ZMYM2: variants seen among roughly 807,000 people sequenced by gnomAD.
ZMYM2 encodes the protein zinc finger MYM-type containing 2, also known as zinc finger MYM-type protein 2.
Under a neutral mutation model 162.8 loss-of-function variants are expected in ZMYM2, and 56 were observed. That is an observed-to-expected ratio of 0.34 (90% CI 0.28 to 0.43). The LOEUF (loss-of-function observed/expected upper bound fraction) is 0.43. Among genes scored for constraint, ZMYM2 ranks in the 20% least tolerant of loss-of-function variants. The pLI is 1.00. For missense variants in ZMYM2, 1,275 were observed against 1,621.8 expected, an observed-to-expected ratio of 0.79 and a Z score of 3.67; for synonymous variants, 510 against 541.6, an observed-to-expected ratio of 0.94 and a Z score of 0.81.
At chr13:19,911,219 G>A in the ZMYM2 span, among the ~76,000 whole-genome samples, 2 of 151,884 alleles carry the variant, frequency 1.3e-5, no homozygotes, top group African/African-American at 2.4e-5. Context: ...ACCATGCTTG[G>A]CTAATTTTTT....
At chr13:19,926,780 A>T in the ZMYM2 span, among the ~76,000 whole-genome samples, 1 of 152,098 alleles carries the variant, frequency 6.6e-6, no homozygotes, top group Non-Finnish European at 1.5e-5. Context: ...TGATCCTCCC[A>T]TCTCAGCCTC....
chr13:20,015,576 G>C (rs1438169034), intron 6 of ZMYM2, among the ~76,000 whole-genome samples: 1 of 152,002 alleles, frequency 6.6e-6, no homozygotes, highest in African/African-American at 2.4e-5. Flanking sequence ...AGCTATTATT[G>C]TACAATTATC....
rs2140413249 is a variant in ZMYM2 at position 20,040,190 on chromosome 13, G to C, written c.2292+3281G>C. Among the ~76,000 whole-genome samples the C allele has an allele frequency of 1.3e-5, 2 of 152,304 alleles. 1 individual carries two copies. The highest frequency in any genetic ancestry group is 4.1e-4 in the South Asian group (2 of 4,830). ...CCAGCTCTTCTTTGTACATCTGGTA[G>C]AATTGTGTTGTGAATCCATCTGGTC... On this transcript the variant is annotated intron_variant, in intron 12 of 24. Coordinates refer to ENST00000610343, the MANE Select transcript of ZMYM2 (RefSeq NM_197968.4).
chr13:20,050,680 C>A (rs2140558912), intron 12 of ZMYM2, among the ~76,000 whole-genome samples: 1 of 151,924 alleles, frequency 6.6e-6, no homozygotes, highest in Admixed American at 6.6e-5. Flanking sequence ...AAATTAGGAT[C>A]TCTAAAAAAG....
Position 20,064,532 on chromosome 13 carries a change from G to C in ZMYM2, c.3119G>C (p.Arg1040Pro). Residue 1040 changes from arginine (R) to proline (P), a missense_variant, in exon 19 of 25, where the codon CGA becomes CCA. Arg to Pro is a moderately radical substitution (Grantham distance 103). Around this residue, in one of 10 missense-constraint regions of ZMYM2, gnomAD observed 229 missense variants for 283.8 expected, o/e 0.81. Transcript: ENST00000610343. ...GEEYEEQPRP[R>P]SKKKGAKRKA... ...GAATATGAGGAACAGCCCAGACCTC[G>C]ATCTAAAAAAAAGGTACATTCACTT... is the stretch of plus-strand genomic sequence containing the variant. 6.3e-7 allele frequency: 1 copy of C among 1,576,262 alleles called. No homozygotes were observed. Among genetic ancestry groups the C allele is most frequent in the Non-Finnish European group, 8.6e-7 (1 of 1,160,754 alleles).
At chr13:19,999,283 C>T (rs1302472364) in intron 3 of ZMYM2, among the ~76,000 whole-genome samples, 3 of 152,204 alleles carry the variant, frequency 2.0e-5, no homozygotes, top group East Asian at 1.9e-4. Flanking sequence ...AACATTGAGC[C>T]GAGTAAGTCT....
intron 14 of ZMYM2, among the ~76,000 whole-genome samples, chr13:20,057,607 A>G (rs1955899022): frequency 6.6e-6 from 1 of 152,232 alleles, no homozygotes; most frequent in East Asian, 1.9e-4. Context: ...GCTGTACAGT[A>G]TGCGTGTGCA....
chr13:19,891,584 C>A, the ZMYM2 span, among the ~76,000 whole-genome samples: 1 of 140,784 alleles, frequency 7.1e-6, no homozygotes, highest in African/African-American at 2.7e-5. Flanking sequence ...GAGACCAGCC[C>A]GGGCAACAAA....
At chr13:19,980,665 A>G (rs1444602978) in intron 2 of ZMYM2, among the ~76,000 whole-genome samples, 1 of 149,608 alleles carries the variant, frequency 6.7e-6, no homozygotes, top group East Asian at 2.0e-4. Flanking sequence ...AGGGACAAGA[A>G]TCACTTGAAC....
At chr13:20,041,846 C>G (rs1308596545) in intron 12 of ZMYM2, among the ~76,000 whole-genome samples, 1 of 150,000 alleles carries the variant, frequency 6.7e-6, no homozygotes, top group Non-Finnish European at 1.5e-5. Flanking sequence ...GCAGGTGGCA[C>G]TGGTGTTAAA....
chr13:20,059,344 T>A (rs1593166428), intron 15 of ZMYM2, 103 bp from the exon 16 acceptor site: 19 of 1,176,240 alleles, frequency 1.6e-5, no homozygotes, highest in South Asian at 6.1e-5. Context: ...AAAAAAAAGG[T>A]ACTGAGGTAG....
chr13:20,049,765 G>A (rs945410064), intron 12 of ZMYM2, among the ~76,000 whole-genome samples: 11 of 151,988 alleles, frequency 7.2e-5, no homozygotes, highest in African/African-American at 2.7e-4. Context: ...ATAGAGAGTA[G>A]ATACAATGGG....
chr13:20,011,204 C>T (rs985141874), intron 6 of ZMYM2, among the ~76,000 whole-genome samples: 1 of 152,126 alleles, frequency 6.6e-6, no homozygotes, highest in Non-Finnish European at 1.5e-5. Context: ...AATTTTGTAT[C>T]CCTTCGTACT....
the ZMYM2 span, among the ~76,000 whole-genome samples, chr13:19,866,615 G>C: frequency 2.0e-5 from 3 of 152,192 alleles, no homozygotes; most frequent in Admixed American, 2.0e-4. Flanking sequence ...GGTGAGCCGA[G>C]ATTGCACCAT....
chr13:19,985,039 G>A (rs1015329882), intron 2 of ZMYM2, among the ~76,000 whole-genome samples: 1 of 152,316 alleles, frequency 6.6e-6, no homozygotes, highest in Non-Finnish European at 1.5e-5. Flanking sequence ...GGGCTGAGCT[G>A]TTATCTCATT....
chr13:19,963,938 G>A (rs574748807), intron 2 of ZMYM2, among the ~76,000 whole-genome samples: 94 of 152,190 alleles, frequency 6.2e-4, no homozygotes, highest in African/African-American at 2.2e-3. Context: ...CTTTATAACA[G>A]TCCATTGAAA....
chr13:19,872,320 C>G, the ZMYM2 span, among the ~76,000 whole-genome samples: 1 of 152,034 alleles, frequency 6.6e-6, no homozygotes, highest in South Asian at 2.1e-4. Context: ...GAAGCTGAGG[C>G]GGGCAGATCA....
chr13:19,960,369 CTTG>C (rs1376965072), intron 2 of ZMYM2, among the ~76,000 whole-genome samples: 6 of 152,228 alleles, frequency 3.9e-5, no homozygotes, highest in Non-Finnish European at 7.3e-5. Flanking sequence ...AAAGTTATTT[CTTG>C]TTGAATGCTG....
Position 20,072,737 on chromosome 13 carries a change from A to G in ZMYM2, c.3453+5347A>G, listed in dbSNP as rs557781307. Among the ~76,000 whole-genome samples the G allele has an allele frequency of 3.9e-5, 6 of 151,976 alleles. No individual in the cohort carries two copies. The South Asian group carries it at 1.2e-3, about 32-fold the overall frequency. ...ATCACTTAATCAGTTCCTTTAGTTG[A>G]TATCAACTGTTTAGATTTCCTGTTT... On this transcript the variant is annotated intron_variant, in intron 21 of 24. Transcript: ENST00000610343.
Sources: allele counts gnomAD v4.1 joint callset (sites outside exome capture counted in the v4.1 genomes callset), GRCh38; gene constraint gnomAD v4.1.1; regional missense constraint gnomAD v4.1.1; transcripts MANE v1.5; gene names NCBI Gene and HGNC (gene_info 2026-07-23, HGNC 2026-07-21).